The following ACSM6 variants were observed in gnomAD, a reference collection of about 807,000 sequenced individuals.
ACSM6 encodes acyl-coenzyme A synthetase ACSM6, mitochondrial.
In ACSM6, 35 loss-of-function variants were observed where a neutral mutation model predicts 51.1. That is an observed-to-expected ratio of 0.69 (90% confidence interval 0.52 to 0.91). ACSM6 has a LOEUF of 0.91. Among genes scored for constraint, ACSM6 ranks in the 40% least tolerant of loss-of-function variants. ACSM6 has a pLI of 0.00. For missense variants in ACSM6, 509 were observed against 584.1 expected (o/e 0.87, Z 1.32); for synonymous variants, 172 against 207.3 (o/e 0.83, Z 1.46).
chr10:95,209,960 T>C (rs919386804), intron 4 of ACSM6, among the ~76,000 whole-genome samples: 5 of 152,180 alleles, frequency 3.3e-5, no homozygotes, highest in African/African-American at 1.2e-4. Context: ...ATCTGGATTA[T>C]AGGCTGTGTG....
chr10:95,220,007 T>C (rs1165324144), intron 9 of ACSM6, 36 bp downstream of exon 9: 2 of 1,504,588 alleles, frequency 1.3e-6, no homozygotes, highest in African/African-American at 2.8e-5. Context: ...ACAGATATTA[T>C]TAAGTGAGCT....
At position 95,212,559 on chromosome 10, in the gene ACSM6, A is replaced by C. The variant is rs191736513; in HGVS notation, c.913-299A>C. On this transcript the variant is annotated intron_variant, in intron 6 of 10. Transcript: ENST00000341686. ...CTGGCAACATCTAGGCTTATTATTT[A>C]AAGCGACAAAGATCAAAACAAGGCT... is the stretch of plus-strand genomic sequence containing the variant. 2.6e-5 allele frequency among the ~76,000 whole-genome samples: 4 copies of C among 152,302 alleles called. No homozygotes were observed. In the East Asian group the frequency reaches 7.7e-4, roughly 29 times the overall value.
At chr10:95,224,992 C>A (rs1433315057) in intron 9 of ACSM6, among the ~76,000 whole-genome samples, 1 of 152,126 alleles carries the variant, frequency 6.6e-6, no homozygotes, top group Admixed American at 6.5e-5. Context: ...AATAGGTGCA[C>A]TTTAAATCTC....
rs969559915 is a variant in ACSM6, at chr10:95,221,878, T to C, written c.1200+1907T>C. Among the ~76,000 whole-genome samples, 43 of 152,272 alleles carry C rather than the reference T, an allele frequency of 2.8e-4. 1 individual carries two copies. The highest frequency in any genetic ancestry group is 9.9e-4 in the African/African-American group (41 of 41,554). ...TTCCACAAGATTCAACACCTTTTGA[T>C]GATAAAAATTCTCAAGAAATTGGGT... is the stretch of plus-strand genomic sequence containing the variant. On this transcript the variant is annotated intron_variant, in intron 9 of 10. Transcript: ENST00000341686.
exon 6 of ACSM6, chr10:95,211,885 A>T: frequency 6.2e-7 from 1 of 1,604,378 alleles, no homozygotes; most frequent in Non-Finnish European, 8.5e-7. Flanking sequence ...TAGACGGTGG[A>T]TGGATCTCCA....
intron 5 of ACSM6, among the ~76,000 whole-genome samples, chr10:95,211,323 A>G (rs2034890968): frequency 6.6e-6 from 1 of 152,218 alleles, no homozygotes; most frequent in African/African-American, 2.4e-5. Flanking sequence ...CATGCAATGA[A>G]GTAGTTGGCT....
At chr10:95,204,545 CTCTG>C (rs765107448) in intron 3 of ACSM6, among the ~76,000 whole-genome samples, 7 of 151,830 alleles carry the variant, frequency 4.6e-5, no homozygotes, top group African/African-American at 7.3e-5. Context: ...CAGAATGAGA[CTCTG>C]TCTATTTAAA....
At chr10:95,201,856 TC>T (rs1564586653) in intron 2 of ACSM6, 128 bp from the exon 3 acceptor site, 1 of 707,166 alleles carries the variant, frequency 1.4e-6, no homozygotes, top group East Asian at 2.7e-5. Flanking sequence ...AAACAGTAGC[TC>T]CCCCTAAGCC....
exon 11 of ACSM6, chr10:95,228,785 A>G (rs1234437268): frequency 6.4e-7 from 1 of 1,550,800 alleles, no homozygotes. Flanking sequence ...GAGATTGTGA[A>G]TGCTTTGGTT....
At chr10:95,215,503 TA>T (rs1442729044) in intron 8 of ACSM6, among the ~76,000 whole-genome samples, 1 of 152,100 alleles carries the variant, frequency 6.6e-6, no homozygotes, top group African/African-American at 2.4e-5. Context: ...GGAACAGGAT[TA>T]ACATTTTGCC....
exon 11 of ACSM6, chr10:95,228,823 G>C (rs370056773): frequency 8.9e-5 from 136 of 1,536,586 alleles, no homozygotes; most frequent in Middle Eastern, 3.4e-4. Flanking sequence ...GGCTGTGGGA[G>C]TTTGAAGAAG....
In ACSM6 at chr10:95,194,283, TA is replaced by T; in HGVS notation, c.-41del. The T allele has an allele frequency of 1.9e-6, 1 of 514,530 alleles. No homozygotes were observed. The highest frequency in any genetic ancestry group is 2.9e-5 in the East Asian group (1 of 34,498). 31.9% of individuals were successfully genotyped at this position (514,530 alleles called of 1,614,324 possible). On this transcript the variant is annotated 5_prime_UTR_variant, in exon 1 of 11. The change creates a new upstream start codon in the 5' untranslated region. Coordinates refer to ENST00000341686, the Ensembl canonical transcript of ACSM6. ...TCCTCCAAACATCTGAAGCCCCCCA[TA>T]GAAACTCCTCTTGGAATTGGTAAGT...
exon 4 of ACSM6, chr10:95,207,221 G>C: frequency 6.2e-7 from 1 of 1,613,994 alleles, no homozygotes; most frequent in Admixed American, 1.7e-5. Context: ...TCACCTTTGT[G>C]CCTGGGAGCC....
chr10:95,211,211 C>T (rs1183840413), intron 5 of ACSM6, among the ~76,000 whole-genome samples: 1 of 152,168 alleles, frequency 6.6e-6, no homozygotes, highest in African/African-American at 2.4e-5. Flanking sequence ...AATCACATGT[C>T]ATCACACCAC....
intron 2 of ACSM6, among the ~76,000 whole-genome samples, chr10:95,200,564 GGAAGAGGAAGAA>G (rs1002230527): frequency 6.8e-5 from 10 of 146,562 alleles, no homozygotes; most frequent in Non-Finnish European, 1.4e-4. Context: ...AGAAAGAAGA[GGAAGAGGAAGAA>G]GAAGATGAAG....
intron 2 of ACSM6, among the ~76,000 whole-genome samples, chr10:95,199,691 G>C (rs1281469833): frequency 6.6e-6 from 1 of 152,152 alleles, no homozygotes; most frequent in Non-Finnish European, 1.5e-5. Flanking sequence ...AGTGGGCAAA[G>C]GATATGAACA....
intron 2 of ACSM6, among the ~76,000 whole-genome samples, chr10:95,195,656 A>G (rs997017065): frequency 6.6e-6 from 1 of 152,138 alleles, no homozygotes; most frequent in African/African-American, 2.4e-5. Context: ...AGTTATTTGC[A>G]TGTGTAATAT....
chr10:95,207,818 A>AT (rs1347857117), intron 4 of ACSM6, among the ~76,000 whole-genome samples: 2 of 152,224 alleles, frequency 1.3e-5, no homozygotes, highest in African/African-American at 4.8e-5. Flanking sequence ...GCCATAAAAA[A>AT]TGAAATCATG....
At chr10:95,209,371 G>T (rs924634084) in intron 4 of ACSM6, among the ~76,000 whole-genome samples, 2 of 152,156 alleles carry the variant, frequency 1.3e-5, no homozygotes, top group African/African-American at 4.8e-5. Context: ...GGAAGACTGC[G>T]GCAGGTCTTG....
Sources: allele counts gnomAD v4.1 joint callset (sites outside exome capture counted in the v4.1 genomes callset), GRCh38; gene constraint gnomAD v4.1.1; transcripts MANE v1.5; gene names NCBI Gene and HGNC (gene_info 2026-07-23, HGNC 2026-07-21).